HUNK: variants seen among roughly 807,000 people sequenced by gnomAD.
The protein encoded by HUNK is hormonally up-regulated neu tumor-associated kinase.
A neutral mutation model predicts 61.0 loss-of-function variants in HUNK; 21 were observed. The observed-to-expected ratio is 0.34, with a 90% CI of 0.24 to 0.50. The LOEUF (loss-of-function observed/expected upper bound fraction) is 0.50, where lower values mean the gene tolerates loss of function less well. Ranked by LOEUF, HUNK falls within the 20% of genes least tolerant of loss-of-function variation. The probability of loss-of-function intolerance (pLI) is 0.98; values close to 1 mark genes in which losing one functional copy is unlikely to be tolerated. For missense variants in HUNK, 772 were observed against 945.7 expected, an observed-to-expected ratio of 0.82 and a Z score of 2.41; for synonymous variants, 371 against 386.1, an observed-to-expected ratio of 0.96 and a Z score of 0.46.
chr21:31,978,991 G>A (rs567808770), intron 7 of HUNK, among the ~76,000 whole-genome samples: 1 of 151,970 alleles, frequency 6.6e-6, no homozygotes, highest in African/African-American at 2.4e-5. Flanking sequence ...CCAACATGTG[G>A]TATCTTCCAT....
chr21:31,911,320 G>A (rs2052544180), intron 1 of HUNK, among the ~76,000 whole-genome samples: 1 of 152,124 alleles, frequency 6.6e-6, no homozygotes, highest in African/African-American at 2.4e-5. Context: ...AAATAGCCTC[G>A]GGGCACAGGG....
chr21:31,908,903 T>C (rs1253125999), intron 1 of HUNK, among the ~76,000 whole-genome samples: 7 of 152,104 alleles, frequency 4.6e-5, no homozygotes, highest in Non-Finnish European at 1.5e-5. Flanking sequence ...TTATCAGTTG[T>C]GTTTCAGGAG....
chr21:31,960,076 T>C (rs2052916284), intron 5 of HUNK, among the ~76,000 whole-genome samples: 1 of 152,246 alleles, frequency 6.6e-6, no homozygotes, highest in African/African-American at 2.4e-5. Context: ...ATTTAAGTTT[T>C]AGAGCTTTCA....
chr21:31,965,599 T>TC (rs2052959674), intron 5 of HUNK, among the ~76,000 whole-genome samples: 2 of 149,012 alleles, frequency 1.3e-5, no homozygotes, highest in Admixed American at 1.3e-4. Context: ...TTTTTCTTTT[T>TC]TTTTTTTTTT....
chr21:31,961,194 T>TC (rs2052925447), intron 5 of HUNK, among the ~76,000 whole-genome samples: 1 of 152,066 alleles, frequency 6.6e-6, no homozygotes, highest in Non-Finnish European at 1.5e-5. Flanking sequence ...TCACTTTTTT[T>TC]CCCACTCAGC....
intron 2 of HUNK, among the ~76,000 whole-genome samples, chr21:31,938,527 C>G (rs755474304): frequency 2.6e-5 from 4 of 152,246 alleles, no homozygotes; most frequent in Non-Finnish European, 5.9e-5. Context: ...TTTGCCACAG[C>G]CAGTCCTAGC....
At position 31,979,803 on chromosome 21, in the gene HUNK, C is replaced by A. The variant is rs1230755043; in HGVS notation, c.1174-3723C>A. Among the ~76,000 whole-genome samples the A allele has an allele frequency of 2.0e-5, 3 of 152,160 alleles. No individual in the cohort carries two copies. In the South Asian group the frequency reaches 6.2e-4, roughly 32 times the overall value. ...GTGCTGGGATTACAGGCATAAGCCA[C>A]CACGCCCAGCTGCATTCTTTATATG... On this transcript the variant is annotated intron_variant, in intron 7 of 10. Coordinates refer to ENST00000270112, the MANE Select transcript of HUNK (RefSeq NM_014586.2).
intron 1 of HUNK, among the ~76,000 whole-genome samples, chr21:31,908,398 AG>A (rs1231914275): frequency 2.0e-5 from 3 of 151,578 alleles, no homozygotes; most frequent in African/African-American, 7.3e-5. Context: ...GGGGAGTGCT[AG>A]GGGCCTGTAA....
chr21:31,910,868 C>A (rs900217701), intron 1 of HUNK, among the ~76,000 whole-genome samples: 1 of 152,146 alleles, frequency 6.6e-6, no homozygotes, highest in African/African-American at 2.4e-5. Context: ...TTTAAATCAT[C>A]CCCACCTTAC....
chr21:31,887,448 C>T (rs1280120164), intron 1 of HUNK, among the ~76,000 whole-genome samples: 1 of 152,152 alleles, frequency 6.6e-6, no homozygotes, highest in African/African-American at 2.4e-5. Context: ...TTTTGCAATC[C>T]TGCTTGCTTC....
At chr21:31,948,354 A>G (rs1037389491) in intron 4 of HUNK, among the ~76,000 whole-genome samples, 1 of 151,388 alleles carries the variant, frequency 6.6e-6, no homozygotes, top group African/African-American at 2.4e-5. Flanking sequence ...TCGGCCTGGA[A>G]CCCTCTCTTT....
rs77525824 is a variant in HUNK, at chr21:31,953,929, C to T, written c.747-4914C>T. Reference sequence around the variant, plus strand: ...AGACCTGCCACCTGGATGGCTCTGGCGCCATCTTGAAGACAAGCATCTGTT... The same window carrying T: ...AGACCTGCCACCTGGATGGCTCTGGTGCCATCTTGAAGACAAGCATCTGTT... On this transcript the variant is annotated intron_variant, in intron 4 of 10. Transcript: ENST00000270112. 7.0e-3 allele frequency among the ~76,000 whole-genome samples: 1,069 copies of T among 152,264 alleles called. 5 individuals carry two copies. Among genetic ancestry groups the T allele is most frequent in the Non-Finnish European group, 9.3e-3 (631 of 68,026 alleles).
At chr21:31,950,424 A>G (rs904826180) in intron 4 of HUNK, among the ~76,000 whole-genome samples, 7 of 152,192 alleles carry the variant, frequency 4.6e-5, no homozygotes, top group African/African-American at 9.7e-5. Flanking sequence ...GTCAAGTATG[A>G]TCTGTTCCTC....
intron 1 of HUNK, among the ~76,000 whole-genome samples, chr21:31,911,063 G>T (rs1453583139): frequency 2.6e-5 from 4 of 152,174 alleles, no homozygotes; most frequent in Admixed American, 2.6e-4. Flanking sequence ...TGGAATTTTG[G>T]GGGAGGACAC....
intron 1 of HUNK, among the ~76,000 whole-genome samples, chr21:31,879,530 C>T (rs991611531): frequency 2.0e-5 from 3 of 152,300 alleles, no homozygotes; most frequent in East Asian, 1.9e-4. Flanking sequence ...TTTGAGTCAG[C>T]GCAACAGTGC....
At chr21:31,997,286 A>G (rs896078795) in intron 10 of HUNK, among the ~76,000 whole-genome samples, 2 of 152,236 alleles carry the variant, frequency 1.3e-5, no homozygotes, top group African/African-American at 4.8e-5. Context: ...GTCTATGCCA[A>G]CCAGAGACAG....
intron 2 of HUNK, among the ~76,000 whole-genome samples, chr21:31,935,044 T>C (rs1350312874): frequency 1.3e-5 from 2 of 152,192 alleles, no homozygotes; most frequent in Non-Finnish European, 2.9e-5. Flanking sequence ...GGATCATTTG[T>C]GTCCTCTTTG....
chr21:31,968,712 CCGAGTGTGTG>C (rs1214287934), intron 6 of HUNK, among the ~76,000 whole-genome samples: 54 of 135,914 alleles, frequency 4.0e-4, no homozygotes, highest in African/African-American at 8.3e-4. Flanking sequence ...TAGCTGTGGC[CCGAGTGTGTG>C]TGTGTGTGTG....
intron 10 of HUNK, among the ~76,000 whole-genome samples, chr21:31,997,991 C>T (rs551722350): frequency 1.3e-5 from 2 of 152,246 alleles, no homozygotes; most frequent in African/African-American, 4.8e-5. Flanking sequence ...CATCACGGCT[C>T]ACTGCAGCCT....
Sources: gnomAD v4.1 joint callset for allele counts (sites outside exome capture counted in the v4.1 genomes callset) on GRCh38, gnomAD v4.1.1 for gene constraint, MANE v1.5 for transcripts, NCBI Gene and HGNC (gene_info 2026-07-23, HGNC 2026-07-21) for gene names.